The following TJP1 variants were observed in gnomAD, a reference collection of about 807,000 sequenced individuals.
The protein encoded by TJP1 is tight junction protein 1, also known as tight junction protein ZO-1.
A neutral mutation model predicts 194.2 loss-of-function variants in TJP1; 43 were observed. That is an observed-to-expected ratio of 0.22 (90% CI 0.17 to 0.29). TJP1 has a LOEUF of 0.29. Among genes scored for constraint, TJP1 ranks in the 10% least tolerant of loss-of-function variants. The pLI, the probability that TJP1 is intolerant of heterozygous loss-of-function variation, is 1.00. For synonymous variants in TJP1, 801 were observed against 779.0 expected (o/e 1.03, Z -0.47); for missense variants, 1,971 against 2,185.7 (o/e 0.90, Z 1.96).
At chr15:29,755,971 T>C (rs1031724996) in intron 8 of TJP1, among the ~76,000 whole-genome samples, 3 of 152,140 alleles carry the variant, frequency 2.0e-5, no homozygotes, top group African/African-American at 7.2e-5. Flanking sequence ...TAAACACCTG[T>C]TGTTCCCTCT....
At chr15:29,775,456 C>T (rs1322005676) in intron 2 of TJP1, among the ~76,000 whole-genome samples, 1 of 152,062 alleles carries the variant, frequency 6.6e-6, no homozygotes, top group Non-Finnish European at 1.5e-5. Context: ...AAGGGTTTCG[C>T]CACAGTGCAT....
chr15:29,880,097 C>T (rs1019805874), intron 2 of TJP1, among the ~76,000 whole-genome samples: 4 of 151,374 alleles, frequency 2.6e-5, no homozygotes, highest in African/African-American at 7.3e-5. Flanking sequence ...CTGCTTTCCT[C>T]TCCACTACAT....
intron 2 of TJP1, among the ~76,000 whole-genome samples, chr15:29,851,190 A>C (rs529378852): frequency 6.6e-6 from 1 of 151,968 alleles, no homozygotes; most frequent in Admixed American, 6.5e-5. Flanking sequence ...TATAGAAAAG[A>C]CCAGCTCTTT....
chr15:29,952,674 TTC>T (rs1485862902), intron 2 of TJP1, among the ~76,000 whole-genome samples: 4 of 152,154 alleles, frequency 2.6e-5, no homozygotes, highest in Admixed American at 1.3e-4. Context: ...AGAAATATTA[TTC>T]TGTTAGTTAT....
At chr15:29,745,508 G>A (rs548861948) in intron 8 of TJP1, among the ~76,000 whole-genome samples, 16 of 152,122 alleles carry the variant, frequency 1.1e-4, no homozygotes, top group African/African-American at 3.4e-4. Flanking sequence ...ATAGAAATTC[G>A]GAAGCCATAA....
At chr15:29,896,700 C>G (rs2152182960) in intron 2 of TJP1, among the ~76,000 whole-genome samples, 1 of 152,274 alleles carries the variant, frequency 6.6e-6, no homozygotes, top group East Asian at 1.9e-4. Flanking sequence ...AAGGTCCAGG[C>G]TGAAGTGGTC....
intron 2 of TJP1, 122 bp downstream of exon 2, chr15:29,800,524 A>G (rs2151883612): frequency 2.3e-6 from 2 of 868,846 alleles, no homozygotes; most frequent in Admixed American, 2.8e-5. Flanking sequence ...ATTTTAAACA[A>G]AAGAATATAG....
intron 1 of TJP1, among the ~76,000 whole-genome samples, chr15:29,804,042 C>A (rs1472196330): frequency 9.4e-5 from 14 of 148,702 alleles, no homozygotes; most frequent in South Asian, 2.1e-4. Flanking sequence ...AAAAAAAAAA[C>A]AAAAAACAGA....
chr15:29,732,803 T>C lies in TJP1; in HGVS notation c.1749A>G (p.Leu583=). The part of the protein sequence containing the change: ...IIPNKNRAEQ[L]ASVQYTLPKT... Reference sequence around the variant, plus strand: ...TTGGAAGTGTATACTGTACACTGGCTAGCTGCTCAGCTCTACACAAGAAAG... The same window carrying C: ...TTGGAAGTGTATACTGTACACTGGCCAGCTGCTCAGCTCTACACAAGAAAG... The change falls in exon 14 of 28, where the codon CTA becomes CTG. Residue 583 remains leucine, a synonymous_variant. Coordinates refer to ENST00000614355, the MANE Select transcript of TJP1 (RefSeq NM_001330239.4). The C allele has an allele frequency of 3.8e-6, 6 of 1,592,936 alleles. No individual in the cohort carries two copies. The highest frequency in any genetic ancestry group is 5.1e-6 in the Non-Finnish European group (6 of 1,172,386).
intron 2 of TJP1, among the ~76,000 whole-genome samples, chr15:29,857,656 CA>C (rs2051911452): frequency 6.6e-6 from 1 of 152,134 alleles, no homozygotes; most frequent in African/African-American, 2.4e-5. Context: ...TTTCCAAGGC[CA>C]ATATGCATTC....
chr15:29,817,090 T>C (rs772318217), intron 1 of TJP1, among the ~76,000 whole-genome samples: 1 of 152,112 alleles, frequency 6.6e-6, no homozygotes, highest in African/African-American at 2.4e-5. Context: ...AGAATCCACA[T>C]GGAAGTGAAA....
chr15:29,801,588 A>G (rs1239500947), intron 1 of TJP1, among the ~76,000 whole-genome samples: 1 of 149,890 alleles, frequency 6.7e-6, no homozygotes, highest in East Asian at 2.0e-4. Context: ...CAGCCTCCCA[A>G]GTAGCTGGGA....
At chr15:29,819,147 TTTC>T (rs2050150100) in intron 1 of TJP1, among the ~76,000 whole-genome samples, 1 of 152,232 alleles carries the variant, frequency 6.6e-6, no homozygotes, top group Non-Finnish European at 1.5e-5. Context: ...TATTCTACAT[TTTC>T]TTCTATTTTA....
In TJP1 at chr15:29,961,865, A is replaced by G. The variant is rs116521929; in HGVS notation, c.174-5501T>C. The stretch of plus-strand genomic sequence containing the variant: ...TGCTCCAGCACAGCTTCCTAGACAG[A>G]CCCTCATTTGGGTGATAGCCAGCAC... On this transcript the variant is annotated intron_variant, in intron 1 of 28. Coordinates refer to the TJP1 transcript ENST00000356107. Among the ~76,000 whole-genome samples the G allele has an allele frequency of 2.0e-3, 300 of 152,246 alleles. 2 individuals carry two copies. The highest frequency in any genetic ancestry group is 6.9e-3 in the African/African-American group (285 of 41,534).
At chr15:29,764,092 C>A (rs543951503) in intron 5 of TJP1, among the ~76,000 whole-genome samples, 5 of 152,074 alleles carry the variant, frequency 3.3e-5, no homozygotes, top group Non-Finnish European at 7.4e-5. Flanking sequence ...GAGAAAGCAG[C>A]AAATGAGATA....
At chr15:29,890,083 T>C (rs556050842) in intron 2 of TJP1, among the ~76,000 whole-genome samples, 43 of 152,236 alleles carry the variant, frequency 2.8e-4, no homozygotes, top group Middle Eastern at 6.8e-3. Flanking sequence ...TGGCTGTCAA[T>C]GGCATGCCCC....
Position 29,914,965 on chromosome 15 carries a change from A to G in TJP1, c.306+41267T>C, listed in dbSNP as rs375954588. 5.6e-4 allele frequency among the ~76,000 whole-genome samples: 85 copies of G among 152,258 alleles called. 1 individual carries two copies. The South Asian group carries it at 0.014, about 25-fold the overall frequency. Reference sequence around the variant, plus strand: ...CAACCTCAGTCAGTTGCACTGTTTCATTTGTACATATTACCGTAACCAACA... The same window carrying G: ...CAACCTCAGTCAGTTGCACTGTTTCGTTTGTACATATTACCGTAACCAACA... On this transcript the variant is annotated intron_variant, in intron 2 of 28. Transcript: ENST00000356107.
chr15:29,898,691 T>C (rs1394721045), intron 2 of TJP1, among the ~76,000 whole-genome samples: 1 of 152,248 alleles, frequency 6.6e-6, no homozygotes, highest in Non-Finnish European at 1.5e-5. Context: ...GTTCAAAGGA[T>C]GTTCATCAGA....
chr15:29,720,805 G>A lies in TJP1; in HGVS notation c.2413-97C>T, dbSNP rs1355475697. 7.0e-6 allele frequency: 7 copies of A among 1,004,722 alleles called. No homozygotes were observed. The East Asian group carries it at 1.8e-4, about 26-fold the overall frequency. 62.2% of individuals were successfully genotyped at this position (1,004,722 alleles called of 1,614,324 possible). ...CAGATTGAAAAGGATATCTTTCTCT[G>A]GAGAAGTCACATCTACTTCTTGAAA... On this transcript the variant is annotated intron_variant, in intron 18 of 27. Coordinates refer to ENST00000614355, the MANE Select transcript of TJP1 (RefSeq NM_001330239.4).
Sources: allele counts gnomAD v4.1 joint callset (sites outside exome capture counted in the v4.1 genomes callset), GRCh38; gene constraint gnomAD v4.1.1; transcripts MANE v1.5; gene names NCBI Gene and HGNC (gene_info 2026-07-23, HGNC 2026-07-21).